Variants in CCDC39 observed in about 807,000 individuals in gnomAD.
CCDC39 encodes the protein coiled-coil domain-containing protein 39.
In CCDC39, 113 loss-of-function variants were observed where a neutral mutation model predicts 121.0. The ratio of observed to expected loss-of-function variants is 0.93; its 90% CI spans 0.80 to 1.09. The LOEUF (loss-of-function observed/expected upper bound fraction) is 1.09. Ranked by LOEUF, CCDC39 falls within the 50% of genes least tolerant of loss-of-function variation. The pLI is 0.00. For synonymous variants in CCDC39, 349 were observed against 352.2 expected (o/e 0.99, Z 0.10); for missense variants, 1,063 against 1,074.7 (o/e 0.99, Z 0.15).
At chr3:180,652,092 T>C (rs1482526732) in intron 8 of CCDC39, 71 bp downstream of exon 8, 2 of 860,984 alleles carry the variant, frequency 2.3e-6, no homozygotes, top group African/African-American at 3.5e-5. Flanking sequence ...ACAAATAGTC[T>C]TAAGTATTTA....
intron 14 of CCDC39, among the ~76,000 whole-genome samples, chr3:180,625,417 C>T (rs1717536346): frequency 7.0e-6 from 1 of 142,506 alleles, no homozygotes; most frequent in South Asian, 2.2e-4. Context: ...TTTCTGATTT[C>T]TTTATATTGG....
In CCDC39 at chr3:180,619,805, A is replaced by G. The variant is rs1717382696; in HGVS notation, c.2158+6T>C. The G allele has an allele frequency of 6.4e-7, 1 of 1,557,492 alleles. No homozygotes were observed. The highest frequency in any genetic ancestry group is 1.8e-5 in the Admixed American group (1 of 55,712). On this transcript the variant is annotated splice_donor_region_variant and intron_variant, in intron 15 of 19. Transcript: ENST00000476379. Reference sequence around the variant, plus strand: ...TATGTATAAAAAAAAGTTAACTCCTACATACTAGATGGAGTCACTTTTTTA... The same window carrying G: ...TATGTATAAAAAAAAGTTAACTCCTGCATACTAGATGGAGTCACTTTTTTA...
At chr3:180,617,037 TATTC>T (rs2108404683) in intron 16 of CCDC39, 71 bp from the exon 17 acceptor site, 2 of 827,732 alleles carry the variant, frequency 2.4e-6, no homozygotes, top group South Asian at 2.2e-5. Context: ...ATTTATCAAG[TATTC>T]ATTTAATTTT....
At position 180,639,140 on chromosome 3, in the gene CCDC39, A is replaced by G. The variant is rs150795077; in HGVS notation, c.1874+2853T>C. Among the ~76,000 whole-genome samples, 1,420 of 152,234 alleles carry G rather than the reference A, an allele frequency of 9.3e-3. 25 individuals are homozygous for G. Among genetic ancestry groups the G allele is most frequent in the African/African-American group, 0.033 (1,364 of 41,554 alleles). ...TAACAAGAGAAAGCCAGGGTCAGTA[A>G]ACCATCCTGCCTGCCACCTGTTTTT... On this transcript the variant is annotated intron_variant, in intron 13 of 19. Transcript: ENST00000476379.
At chr3:180,618,137 A>G (rs1365726392) in intron 16 of CCDC39, among the ~76,000 whole-genome samples, 1 of 152,174 alleles carries the variant, frequency 6.6e-6, no homozygotes, top group African/African-American at 2.4e-5. Flanking sequence ...TATACCATCT[A>G]GGTTTGTGTA....
At chr3:180,663,631 CT>C (rs1206334856) in intron 2 of CCDC39, among the ~76,000 whole-genome samples, 1 of 149,944 alleles carries the variant, frequency 6.7e-6, no homozygotes, top group Non-Finnish European at 1.5e-5. Flanking sequence ...GATCACGCCA[CT>C]GTACTCCAGC....
Position 180,614,855 on chromosome 3 carries a change from C to T in CCDC39, c.*66G>A, listed in dbSNP as rs1717170139. The stretch of plus-strand genomic sequence containing the variant: ...TTCCACTAGATAAAATGTGTTGGGT[C>T]GTTTTGTATTTTAAAGTATATTTTT... On this transcript the variant is annotated 3_prime_UTR_variant, in exon 20 of 20. Coordinates refer to ENST00000476379, the MANE Select transcript of CCDC39 (RefSeq NM_181426.2). The T allele has an allele frequency of 2.1e-5, 29 of 1,401,256 alleles. No individual in the cohort carries two copies. The highest frequency in any genetic ancestry group is 8.1e-5 in the South Asian group (6 of 73,990). 86.8% of individuals were successfully genotyped at this position (1,401,256 alleles called of 1,614,324 possible). A position where few individuals can be genotyped will look rare whatever the true frequency, so the allele number is the denominator to read the frequency against.
intron 7 of CCDC39, 45 bp downstream of exon 7, chr3:180,654,717 G>T (rs1576947230): frequency 7.7e-7 from 1 of 1,291,742 alleles, no homozygotes; most frequent in Non-Finnish European, 1.1e-6. Context: ...ATTTTATAGT[G>T]ATTTGTCGTG....
intron 1 of CCDC39, among the ~76,000 whole-genome samples, chr3:180,664,757 G>A (rs923361921): frequency 6.0e-5 from 9 of 150,708 alleles, no homozygotes; most frequent in South Asian, 4.2e-4. Context: ...GTGCAGTGGC[G>A]CGATCTCGGC....
At position 180,616,702 on chromosome 3, in the gene CCDC39, G is replaced by A. The variant is rs1182199057; in HGVS notation, c.2407-7C>T. ...CCTTTGTGAGTTTTGCACACTGTTGGTAAATAATAGTCAATTATTCTATAA... is the reference window on the plus strand; with the variant it reads ...CCTTTGTGAGTTTTGCACACTGTTGATAAATAATAGTCAATTATTCTATAA... On this transcript the variant is annotated splice_polypyrimidine_tract_variant and splice_region_variant and intron_variant, in intron 17 of 19. Coordinates refer to ENST00000476379, the MANE Select transcript of CCDC39 (RefSeq NM_181426.2). 4 of 1,581,738 alleles carry A rather than the reference G, an allele frequency of 2.5e-6. No individual in the cohort carries two copies. Among genetic ancestry groups the A allele is most frequent in the Non-Finnish European group, 3.4e-6 (4 of 1,162,232 alleles).
chr3:180,645,545 T>C (rs1718048959), intron 11 of CCDC39, among the ~76,000 whole-genome samples: 1 of 152,090 alleles, frequency 6.6e-6, no homozygotes, highest in Non-Finnish European at 1.5e-5. Flanking sequence ...TTCAGCAAGA[T>C]AGTAAGAAGA....
chr3:180,628,423 G>T (rs897325064), intron 14 of CCDC39, among the ~76,000 whole-genome samples: 1 of 152,090 alleles, frequency 6.6e-6, no homozygotes, highest in African/African-American at 2.4e-5. Flanking sequence ...TAGCCAGGAT[G>T]GTCTCGATCT....
chr3:180,651,373 T>G, intron 9 of CCDC39, 28 bp downstream of exon 9: 1 of 1,533,656 alleles, frequency 6.5e-7, no homozygotes, highest in Non-Finnish European at 8.8e-7. Flanking sequence ...TTTCTGTGAT[T>G]TAAAGAAAAA....
At chr3:180,638,734 A>G (rs1490409293) in intron 13 of CCDC39, among the ~76,000 whole-genome samples, 1 of 152,124 alleles carries the variant, frequency 6.6e-6, no homozygotes, top group Non-Finnish European at 1.5e-5. Context: ...TTCAATATTC[A>G]TAGAGAAATG....
intron 1 of CCDC39, among the ~76,000 whole-genome samples, chr3:180,671,324 G>A (rs1388637549): frequency 1.3e-5 from 2 of 151,570 alleles, no homozygotes; most frequent in African/African-American, 4.8e-5. Flanking sequence ...CTAAGTATAT[G>A]TATAATTAAA....
chr3:180,616,833 G>T lies in CCDC39; in HGVS notation c.2399C>A (p.Thr800Asn), dbSNP rs770049831. ...TTTAAAAGATATCGATACCTGTTTG[G>T]TCACTCTTTCTAATTTTGGCTTCTG... The part of the protein sequence containing the change: ...EEQKPKLERV[T>N]KQCAKLTKEI... The change falls in exon 17 of 20, where the codon ACC becomes AAC. Residue 800 changes from threonine to asparagine, a missense_variant. Transcript: ENST00000476379. 3.7e-6 allele frequency: 6 copies of T among 1,610,184 alleles called. No homozygotes were observed. In the African/African-American group the frequency reaches 6.7e-5, roughly 18 times the overall value.
chr3:180,666,058 C>G (rs912100047), intron 1 of CCDC39, among the ~76,000 whole-genome samples: 4 of 152,028 alleles, frequency 2.6e-5, no homozygotes, highest in African/African-American at 9.7e-5. Context: ...ACCATTACCA[C>G]CAATCCATCT....
At chr3:180,673,054 A>G (rs1388077197) in intron 1 of CCDC39, among the ~76,000 whole-genome samples, 2 of 152,232 alleles carry the variant, frequency 1.3e-5, no homozygotes, top group Non-Finnish European at 2.9e-5. Context: ...GAATTGCTGC[A>G]ATTTTATTAA....
In CCDC39 at chr3:180,679,277, T is replaced by A; in HGVS notation, c.90+14A>T. On this transcript the variant is annotated intron_variant, in intron 1 of 19. Coordinates refer to ENST00000476379, the MANE Select transcript of CCDC39 (RefSeq NM_181426.2). The surrounding 1 kb of genome is among the most constrained non-coding windows in gnomAD (Gnocchi z 4.0). ...CTCTCTCTGCTTCCTCCCGCCTGCT[T>A]CAATTGATCTCACCTGATCTTCCAG... is the stretch of plus-strand genomic sequence containing the variant. The A allele has an allele frequency of 6.2e-7, 1 of 1,610,620 alleles. No homozygotes were observed.
Sources: allele counts gnomAD v4.1 joint callset (sites outside exome capture counted in the v4.1 genomes callset), GRCh38; gene constraint gnomAD v4.1.1; non-coding constraint Gnocchi (gnomAD v3.1); transcripts MANE v1.5; gene names NCBI Gene and HGNC (gene_info 2026-07-23, HGNC 2026-07-21).